Variants in FBXW7 observed in about 807,000 individuals in gnomAD.
FBXW7 encodes F-box/WD repeat-containing protein 7.
FBXW7 carries 11 observed loss-of-function variants against 86.3 expected under a neutral mutation model. That is an observed-to-expected ratio of 0.13 (90% CI 0.08 to 0.21). The LOEUF (loss-of-function observed/expected upper bound fraction) is 0.21, where lower values mean the gene tolerates loss of function less well. FBXW7 is among the 10% of genes least tolerant of loss of function. The pLI is 1.00. For synonymous variants in FBXW7, 313 were observed against 297.9 expected (o/e 1.05, Z -0.52); for missense variants, 488 against 847.4 (o/e 0.58, Z 5.27).
At chr4:152,349,266 A>T (rs939364403) in intron 5 of FBXW7, among the ~76,000 whole-genome samples, 7 of 151,708 alleles carry the variant, frequency 4.6e-5, no homozygotes, top group Non-Finnish European at 8.8e-5. Flanking sequence ...ACTTTCAATC[A>T]CTTATTTTAA....
At chr4:152,449,898 A>G (rs1188373952) in intron 2 of FBXW7, among the ~76,000 whole-genome samples, 2 of 152,242 alleles carry the variant, frequency 1.3e-5, no homozygotes, top group African/African-American at 4.8e-5. Flanking sequence ...AAATTACTGT[A>G]ACTTAAATGA....
At chr4:152,483,078 T>C (rs555204776) in intron 2 of FBXW7, among the ~76,000 whole-genome samples, 30 of 152,290 alleles carry the variant, frequency 2.0e-4, no homozygotes. Context: ...ATTCAGATTA[T>C]TCCAACTATT....
intron 2 of FBXW7, among the ~76,000 whole-genome samples, chr4:152,437,541 A>G (rs1740492532): frequency 6.6e-6 from 1 of 152,242 alleles, no homozygotes; most frequent in African/African-American, 2.4e-5. Flanking sequence ...CAAGGAAAGT[A>G]GTTTCCTGAG....
At chr4:152,504,995 T>C (rs1429924851) in intron 2 of FBXW7, among the ~76,000 whole-genome samples, 1 of 152,312 alleles carries the variant, frequency 6.6e-6, no homozygotes, top group South Asian at 2.1e-4. Flanking sequence ...CAGAGAAATG[T>C]GTCAGGCAAT....
intron 10 of FBXW7, among the ~76,000 whole-genome samples, 176 bp downstream of exon 10, chr4:152,329,496 C>A (rs1475406807): frequency 1.3e-5 from 2 of 151,890 alleles, no homozygotes; most frequent in Non-Finnish European, 2.9e-5. Flanking sequence ...GCATCACTAT[C>A]CTCATGCCAT....
rs1201268473 is a variant in FBXW7 at position 152,326,198 on chromosome 4, C to T, written c.1452G>A (p.Arg484=). 1.2e-6 allele frequency: 2 copies of T among 1,613,168 alleles called. No individual in the cohort carries two copies. Among genetic ancestry groups the T allele is most frequent in the Non-Finnish European group, 8.5e-7 (1 of 1,179,426 alleles). ...VVSGSRDATL[R]VWDIETGQCL... The stretch of plus-strand genomic sequence containing the variant: ...ACTGGCCTGTCTCAATATCCCAAAC[C>T]CTAAGAGTGGCATCTCGAGAACCGC... The change falls in exon 12 of 14, where the codon AGG becomes AGA. Residue 484 remains arginine (R), a synonymous_variant. Coordinates refer to ENST00000281708, the MANE Select transcript of FBXW7 (RefSeq NM_001349798.2).
At chr4:152,388,779 T>C (rs1735758422) in intron 4 of FBXW7, among the ~76,000 whole-genome samples, 1 of 152,152 alleles carries the variant, frequency 6.6e-6, no homozygotes, top group African/African-American at 2.4e-5. Flanking sequence ...CTGACTTCTC[T>C]TCAGATGATT....
intron 4 of FBXW7, among the ~76,000 whole-genome samples, chr4:152,369,840 T>C (rs1196985525): frequency 1.3e-5 from 2 of 151,976 alleles, no homozygotes; most frequent in Non-Finnish European, 2.9e-5. Context: ...ACTAAACATA[T>C]TCCTTGACTT....
intron 4 of FBXW7, among the ~76,000 whole-genome samples, chr4:152,386,247 T>C (rs1735518891): frequency 6.6e-6 from 1 of 152,072 alleles, no homozygotes; most frequent in Admixed American, 6.6e-5. Context: ...CAGTGCAATA[T>C]GATAGGTAGG....
In FBXW7 at chr4:152,535,206, T is replaced by G; in HGVS notation, c.-292A>C. The G allele has an allele frequency of 6.0e-6, 1 of 165,488 alleles. No individual in the cohort carries two copies. Among genetic ancestry groups the G allele is most frequent in the Non-Finnish European group, 1.3e-5 (1 of 77,040 alleles). 10.3% of individuals were successfully genotyped at this position (165,488 alleles called of 1,614,324 possible). On this transcript the variant is annotated 5_prime_UTR_variant, in exon 1 of 14. Transcript: ENST00000281708. Reference sequence around the variant, plus strand: ...GCCACTTCTCCCGGGACAGTCAGGTTTGGGAGACTCCGGATTTTGTTTTTG... The same window carrying G: ...GCCACTTCTCCCGGGACAGTCAGGTGTGGGAGACTCCGGATTTTGTTTTTG...
intron 2 of FBXW7, among the ~76,000 whole-genome samples, chr4:152,420,830 A>G (rs1175571266): frequency 6.6e-6 from 1 of 152,106 alleles, no homozygotes; most frequent in East Asian, 1.9e-4. Flanking sequence ...GCATGGGCAG[A>G]GTAGATTTAG....
At chr4:152,518,133 C>CA (rs1748676036) in intron 2 of FBXW7, among the ~76,000 whole-genome samples, 2 of 152,178 alleles carry the variant, frequency 1.3e-5, no homozygotes, top group South Asian at 4.1e-4. Context: ...GGATTACAGG[C>CA]ACGCACCACC....
intron 2 of FBXW7, chr4:152,530,512 G>A (rs545151468): frequency 6.6e-6 from 1 of 152,196 alleles, no homozygotes; most frequent in African/African-American, 2.4e-5. Flanking sequence ...GATAAGAAAT[G>A]CAGGTAGTCC....
In FBXW7 at chr4:152,411,891, T is replaced by TA. The variant is rs999088905; in HGVS notation, c.-69-20dup. 2.1e-4 allele frequency: 304 copies of TA among 1,451,452 alleles called. No homozygotes were observed. The highest frequency in any genetic ancestry group is 2.5e-4 in the Non-Finnish European group (275 of 1,102,828). 89.9% of individuals were successfully genotyped at this position (1,451,452 alleles called of 1,614,324 possible). A position where few individuals can be genotyped will look rare whatever the true frequency, so the allele number is the denominator to read the frequency against. On this transcript the variant is annotated intron_variant, in intron 3 of 13. Transcript: ENST00000281708. ...TCACATTCTGCAGGGGAAAATAGGG[T>TA]AAAAAACAAGATTTGTACAATCTAT...
At chr4:152,382,859 T>G (rs1735211170) in intron 4 of FBXW7, among the ~76,000 whole-genome samples, 1 of 152,196 alleles carries the variant, frequency 6.6e-6, no homozygotes, top group Non-Finnish European at 1.5e-5. Flanking sequence ...TTTGAATTTT[T>G]TGAACTGTGT....
At chr4:152,529,213 T>C (rs1285952174) in intron 2 of FBXW7, among the ~76,000 whole-genome samples, 1 of 152,108 alleles carries the variant, frequency 6.6e-6, no homozygotes, top group Non-Finnish European at 1.5e-5. Flanking sequence ...CTTGGGACAA[T>C]GATAAAATTA....
intron 13 of FBXW7, chr4:152,323,963 G>A (rs1728781761): frequency 3.9e-6 from 2 of 514,026 alleles, no homozygotes; most frequent in South Asian, 2.3e-5. Context: ...TGAACATGCA[G>A]GAAGTGATTA....
intron 5 of FBXW7, 61 bp downstream of exon 5, chr4:152,349,981 A>G: frequency 2.2e-6 from 2 of 927,378 alleles, no homozygotes; most frequent in Middle Eastern, 3.4e-4. Flanking sequence ...AAACTAAAAC[A>G]CTTTCAGAAT....
chr4:152,414,942 T>G (rs1158025460), intron 2 of FBXW7, among the ~76,000 whole-genome samples: 7 of 152,154 alleles, frequency 4.6e-5, no homozygotes, highest in African/African-American at 1.7e-4. Context: ...GACTATCCTT[T>G]GTTGATTTAG....
Sources: gnomAD v4.1 joint callset for allele counts (sites outside exome capture counted in the v4.1 genomes callset) on GRCh38, gnomAD v4.1.1 for gene constraint, MANE v1.5 for transcripts, NCBI Gene and HGNC (gene_info 2026-07-23, HGNC 2026-07-21) for gene names.